EYA2: variants seen among roughly 807,000 people sequenced by gnomAD.
EYA2 encodes protein phosphatase EYA2.
Under a neutral mutation model 69.2 loss-of-function variants are expected in EYA2, and 31 were observed. That is an observed-to-expected ratio of 0.45 (90% CI 0.34 to 0.60). EYA2 has a LOEUF of 0.60. Among genes scored for constraint, EYA2 ranks in the 20% least tolerant of loss-of-function variants. The pLI is 0.02. For missense variants in EYA2, 622 were observed against 701.2 expected (o/e 0.89, Z 1.28); for synonymous variants, 257 against 279.4 (o/e 0.92, Z 0.80).
At chr20:46,960,011 A>C (rs1233793280) in intron 1 of EYA2, among the ~76,000 whole-genome samples, 1 of 152,220 alleles carries the variant, frequency 6.6e-6, no homozygotes, top group Admixed American at 6.5e-5. Context: ...CGGTTGAAAG[A>C]AAATGATTTT....
At chr20:46,921,891 T>A (rs1156532058) in intron 1 of EYA2, among the ~76,000 whole-genome samples, 1 of 152,260 alleles carries the variant, frequency 6.6e-6, no homozygotes, top group Non-Finnish European at 1.5e-5. Flanking sequence ...TCCCAATTGC[T>A]ATAAACTAAT....
intron 1 of EYA2, among the ~76,000 whole-genome samples, chr20:46,931,256 A>G (rs887701030): frequency 6.6e-6 from 1 of 152,220 alleles, no homozygotes; most frequent in African/African-American, 2.4e-5. Context: ...GAAGCAGCAA[A>G]TGAAGACCCC....
At chr20:46,977,025 C>G (rs78646587) in intron 1 of EYA2, among the ~76,000 whole-genome samples, 1 of 152,176 alleles carries the variant, frequency 6.6e-6, no homozygotes, top group Non-Finnish European at 1.5e-5. Context: ...AACTAGATTT[C>G]TGTGTCATGG....
intron 12 of EYA2, among the ~76,000 whole-genome samples, chr20:47,178,295 C>T (rs1218452567): frequency 6.7e-6 from 1 of 148,570 alleles, no homozygotes; most frequent in Non-Finnish European, 1.5e-5. Context: ...TTGATCACAC[C>T]ACTGCACTCC....
At chr20:46,918,684 A>G (rs528482351) in intron 1 of EYA2, among the ~76,000 whole-genome samples, 2 of 152,270 alleles carry the variant, frequency 1.3e-5, no homozygotes, top group African/African-American at 2.4e-5. Context: ...GCCAGAATCA[A>G]CTTCTTCCAA....
intron 1 of EYA2, among the ~76,000 whole-genome samples, chr20:46,950,290 C>T (rs1206757): frequency 0.047 from 7,132 of 152,232 alleles, 280 homozygotes; most frequent in African/African-American, 0.1. Flanking sequence ...CAGCGATGTT[C>T]CCCTCTCAGA....
intron 4 of EYA2, 129 bp downstream of exon 4, chr20:47,005,213 G>A: frequency 9.5e-7 from 1 of 1,048,808 alleles, no homozygotes; most frequent in Non-Finnish European, 1.4e-6. Context: ...GAGATAAAGG[G>A]AAAAGAGTAA....
intron 5 of EYA2, among the ~76,000 whole-genome samples, chr20:47,042,372 A>C (rs1231365074): frequency 6.6e-6 from 1 of 152,170 alleles, no homozygotes; most frequent in Admixed American, 6.5e-5. Context: ...ATTAAAAGGG[A>C]AGTCATCTAA....
chr20:46,896,039 A>G (rs1983794614), intron 1 of EYA2, among the ~76,000 whole-genome samples: 1 of 152,212 alleles, frequency 6.6e-6, no homozygotes, highest in Non-Finnish European at 1.5e-5. Flanking sequence ...ATCTTCAATT[A>G]CTTTTTAAAA....
chr20:47,032,836 C>T (rs892934376), intron 5 of EYA2, among the ~76,000 whole-genome samples: 2 of 152,228 alleles, frequency 1.3e-5, no homozygotes, highest in East Asian at 1.9e-4. Flanking sequence ...GGATATACCA[C>T]GGCATTTAGC....
chr20:47,097,269 C>G, intron 9 of EYA2, 101 bp downstream of exon 9: 3 of 889,404 alleles, frequency 3.4e-6, no homozygotes, highest in Non-Finnish European at 5.1e-6. Context: ...GAGGCAGCTT[C>G]TCCAACAAAA....
chr20:47,080,613 G>T (rs2031678067), intron 7 of EYA2, among the ~76,000 whole-genome samples: 1 of 152,104 alleles, frequency 6.6e-6, no homozygotes, highest in South Asian at 2.1e-4. Context: ...TAAGGTATTT[G>T]TATTAGTCTA....
chr20:47,152,824 G>GA (rs1555832117), intron 10 of EYA2, among the ~76,000 whole-genome samples: 115 of 138,988 alleles, frequency 8.3e-4, no homozygotes, highest in African/African-American at 3.0e-3. Flanking sequence ...AAAAAAAAAA[G>GA]AAAGAAAAGA....
At chr20:47,134,837 C>T (rs1159197633) in intron 9 of EYA2, among the ~76,000 whole-genome samples, 2 of 152,232 alleles carry the variant, frequency 1.3e-5, no homozygotes, top group East Asian at 1.9e-4. Flanking sequence ...TTTACAAAAA[C>T]AGACAACGGG....
At chr20:47,021,835 G>A (rs1012548995) in intron 5 of EYA2, among the ~76,000 whole-genome samples, 2 of 151,784 alleles carry the variant, frequency 1.3e-5, no homozygotes, top group Non-Finnish European at 2.9e-5. Flanking sequence ...ATCTCAGCTC[G>A]AGACCTCCGA....
chr20:47,009,790 C>CA (rs1002559638), intron 4 of EYA2, among the ~76,000 whole-genome samples: 3 of 152,202 alleles, frequency 2.0e-5, no homozygotes, highest in Admixed American at 6.5e-5. Context: ...ACTTTATTTA[C>CA]AAAAATGAAC....
chr20:47,052,314 A>C (rs2030381758), intron 5 of EYA2, among the ~76,000 whole-genome samples: 1 of 152,198 alleles, frequency 6.6e-6, no homozygotes, highest in African/African-American at 2.4e-5. Context: ...GGGAGGTCAC[A>C]TGTGAGCTGA....
At chr20:46,998,012 G>A (rs1453371622) in intron 2 of EYA2, 1 of 152,376 alleles carries the variant, frequency 6.6e-6, no homozygotes, top group Admixed American at 6.5e-5. Context: ...TGACAACCAT[G>A]GCATCATAAA....
intron 1 of EYA2, among the ~76,000 whole-genome samples, chr20:46,971,292 A>G (rs1208037018): frequency 6.6e-6 from 1 of 152,236 alleles, no homozygotes; most frequent in Non-Finnish European, 1.5e-5. Context: ...TCTGCTCTGC[A>G]AAGTCATCAG....
Sources: gnomAD v4.1 joint callset for allele counts (sites outside exome capture counted in the v4.1 genomes callset) on GRCh38, gnomAD v4.1.1 for gene constraint, MANE v1.5 for transcripts, NCBI Gene and HGNC (gene_info 2026-07-23, HGNC 2026-07-21) for gene names.